EDIL3: variants seen among roughly 807,000 people sequenced by gnomAD.
EDIL3 encodes EGF like and discoidin domains 3, also known as EGF-like repeat and discoidin I-like domain-containing protein 3.
EDIL3 carries 37 observed loss-of-function variants against 67.4 expected under a neutral mutation model. The ratio of observed to expected loss-of-function variants is 0.55; its 90% CI spans 0.42 to 0.72. The LOEUF (loss-of-function observed/expected upper bound fraction) is 0.72, where lower values mean the gene tolerates loss of function less well. EDIL3 is among the 30% of genes least tolerant of loss of function. The pLI is 0.00. For synonymous variants in EDIL3, 195 were observed against 196.3 expected (o/e 0.99, Z 0.05); for missense variants, 527 against 586.3 (o/e 0.90, Z 1.04).
chr5:84,180,720 T>C (rs1035836118), intron 3 of EDIL3, among the ~76,000 whole-genome samples, 199 bp from the exon 4 acceptor site: 26 of 152,204 alleles, frequency 1.7e-4, no homozygotes, highest in African/African-American at 6.0e-4. Context: ...GCGTGCAGTC[T>C]TGAGAGATTT....
intron 1 of EDIL3, among the ~76,000 whole-genome samples, chr5:84,356,746 T>G (rs1029506851): frequency 6.6e-6 from 1 of 152,158 alleles, no homozygotes; most frequent in Non-Finnish European, 1.5e-5. Flanking sequence ...ATAAATGCAG[T>G]GCTCTTATTT....
Position 84,000,007 on chromosome 5 carries a change from G to GA in EDIL3, c.1138-36648dup, listed in dbSNP as rs70975533. Among the ~76,000 whole-genome samples, 298 of 147,298 alleles carry GA rather than the reference G, an allele frequency of 2.0e-3. 1 individual carries two copies. The highest frequency in any genetic ancestry group is 3.2e-3 in the Non-Finnish European group (211 of 66,432). On this transcript the variant is annotated intron_variant, in intron 9 of 10. Coordinates refer to ENST00000296591, the MANE Select transcript of EDIL3 (RefSeq NM_005711.5). The stretch of plus-strand genomic sequence containing the variant: ...GCATGACATATTTCAAGTGCTAAAG[G>GA]AAAAAAAAAAAAACTTTTATTCTAG...
At chr5:84,331,205 A>T (rs766710548) in intron 1 of EDIL3, among the ~76,000 whole-genome samples, 19 of 152,180 alleles carry the variant, frequency 1.2e-4, no homozygotes, top group African/African-American at 1.9e-4. Context: ...GAGACTTCGG[A>T]CATGGACTTT....
intron 3 of EDIL3, among the ~76,000 whole-genome samples, chr5:84,205,304 G>A (rs542368893): frequency 2.0e-5 from 3 of 151,924 alleles, no homozygotes; most frequent in Non-Finnish European, 2.9e-5. Flanking sequence ...GTGGATTTTA[G>A]ACACCCCTAA....
chr5:84,219,131 C>T (rs1027182952), intron 3 of EDIL3, among the ~76,000 whole-genome samples: 1 of 152,140 alleles, frequency 6.6e-6, no homozygotes, highest in African/African-American at 2.4e-5. Flanking sequence ...GTCACCCCCT[C>T]CCCCAGCTCC....
rs548182953 is a variant in EDIL3, at chr5:84,048,009, C to T, written c.1137+12291G>A. On this transcript the variant is annotated intron_variant, in intron 9 of 10. Coordinates refer to ENST00000296591, the MANE Select transcript of EDIL3 (RefSeq NM_005711.5). ...AAAATGAAAAAATACATAAAGATGA[C>T]TTATAGTCCTAGGAAAGTGTGAGCA... is the stretch of plus-strand genomic sequence containing the variant. 2.3e-4 allele frequency: 36 copies of T among 153,760 alleles called. No individual in the cohort carries two copies. The South Asian group carries it at 7.1e-3, about 30-fold the overall frequency. 9.5% of individuals were successfully genotyped at this position (153,760 alleles called of 1,614,324 possible). A position where few individuals can be genotyped will look rare whatever the true frequency, so the allele number is the denominator to read the frequency against.
intron 1 of EDIL3, among the ~76,000 whole-genome samples, chr5:84,313,088 A>G (rs2112146081): frequency 6.6e-6 from 1 of 152,348 alleles, no homozygotes; most frequent in Non-Finnish European, 1.5e-5. Context: ...TATTGAAAAT[A>G]CATCCACATA....
rs999194095 is a variant in EDIL3 at position 84,108,258 on chromosome 5, A to T, written c.470-1428T>A. On this transcript the variant is annotated intron_variant, in intron 5 of 10. Coordinates refer to ENST00000296591, the MANE Select transcript of EDIL3 (RefSeq NM_005711.5). ...GTCATAAACATGGTAAGTAGCTCTG[A>T]TGGCTTTCAAATTTTTAAATTTTTT... 4.6e-5 allele frequency among the ~76,000 whole-genome samples: 7 copies of T among 152,116 alleles called. No homozygotes were observed. In the East Asian group the frequency reaches 1.4e-3, roughly 29 times the overall value.
chr5:84,310,570 T>A (rs1197247052), intron 1 of EDIL3, among the ~76,000 whole-genome samples: 1 of 152,164 alleles, frequency 6.6e-6, no homozygotes, highest in Non-Finnish European at 1.5e-5. Context: ...GCACTATGAG[T>A]GACATGACCA....
At chr5:84,091,280 G>A (rs1747161734) in intron 6 of EDIL3, among the ~76,000 whole-genome samples, 2 of 152,166 alleles carry the variant, frequency 1.3e-5, no homozygotes, top group Non-Finnish European at 1.5e-5. Flanking sequence ...TGGTTAGACG[G>A]AATTACAGTC....
At chr5:84,160,744 T>TCTTTTCTTTC in intron 4 of EDIL3, among the ~76,000 whole-genome samples, 1 of 100,092 alleles carries the variant, frequency 1.0e-5, no homozygotes, top group East Asian at 2.4e-4. Context: ...TCTTTTCTTT[T>TCTTTTCTTTC]CTTTCCTTTC....
At position 83,942,481 on chromosome 5, in the gene EDIL3, AT is replaced by A. The variant is rs1234033988; in HGVS notation, c.*937del. On this transcript the variant is annotated 3_prime_UTR_variant, in exon 11 of 11. Transcript: ENST00000296591. Reference sequence around the variant, plus strand: ...TTTTATAAAATAAACAAATAAGCCGATTTTTTAAAGTAAATATAAGGATATG... The same window carrying A: ...TTTTATAAAATAAACAAATAAGCCGATTTTTAAAGTAAATATAAGGATATG... 1 of 152,012 alleles carries A rather than the reference AT, an allele frequency of 6.6e-6. No individual in the cohort carries two copies. Among genetic ancestry groups the A allele is most frequent in the Non-Finnish European group, 1.5e-5 (1 of 67,954 alleles). 9.4% of individuals were successfully genotyped at this position (152,012 alleles called of 1,614,324 possible).
intron 9 of EDIL3, among the ~76,000 whole-genome samples, chr5:84,059,262 G>T (rs1018473030): frequency 2.6e-5 from 4 of 151,892 alleles, no homozygotes; most frequent in East Asian, 1.9e-4. Context: ...AATTAGCGGG[G>T]TATAGTGATG....
rs540338802 is a variant in EDIL3 at position 84,376,051 on chromosome 5, C to T, written c.67+8257G>A. Among the ~76,000 whole-genome samples the T allele has an allele frequency of 9.9e-5, 15 of 152,270 alleles. No individual in the cohort carries two copies. In the South Asian group the frequency reaches 3.1e-3, roughly 32 times the overall value. ...ATACAAGATGTGTCACTCACTGAGA[C>T]AGAGCATCGCCTAATAGTTAAGAGG... On this transcript the variant is annotated intron_variant, in intron 1 of 10. Transcript: ENST00000296591.
intron 1 of EDIL3, among the ~76,000 whole-genome samples, chr5:84,299,238 T>TA (rs539973234): frequency 0.011 from 1,672 of 152,174 alleles, 16 homozygotes; most frequent in Non-Finnish European, 0.018. Context: ...ACACATTTTT[T>TA]AAAAAAATGA....
intron 1 of EDIL3, among the ~76,000 whole-genome samples, chr5:84,357,313 G>A (rs1200143107): frequency 6.6e-6 from 1 of 151,944 alleles, no homozygotes; most frequent in East Asian, 1.9e-4. Context: ...TGTACTACCT[G>A]TGGTCCATGT....
intron 1 of EDIL3, among the ~76,000 whole-genome samples, chr5:84,284,724 T>C (rs1745776553): frequency 6.6e-6 from 1 of 152,134 alleles, no homozygotes; most frequent in East Asian, 1.9e-4. Flanking sequence ...TTAAAAGTGA[T>C]GCAGTAAAAA....
intron 1 of EDIL3, among the ~76,000 whole-genome samples, chr5:84,353,264 A>G (rs1747402371): frequency 6.6e-6 from 1 of 152,160 alleles, no homozygotes; most frequent in Non-Finnish European, 1.5e-5. Flanking sequence ...CATGTGAACC[A>G]CCTATTATAG....
intron 4 of EDIL3, among the ~76,000 whole-genome samples, chr5:84,145,756 G>A (rs555754205): frequency 1.6e-4 from 24 of 151,958 alleles, no homozygotes; most frequent in Non-Finnish European, 3.5e-4. Flanking sequence ...AAAACAGAGA[G>A]TGTCCATGCA....
Sources: allele counts gnomAD v4.1 joint callset (sites outside exome capture counted in the v4.1 genomes callset), GRCh38; gene constraint gnomAD v4.1.1; transcripts MANE v1.5; gene names NCBI Gene and HGNC (gene_info 2026-07-23, HGNC 2026-07-21).